Variants in FAM135B observed in about 807,000 individuals in gnomAD.
The protein encoded by FAM135B is family with sequence similarity 135 member B.
FAM135B carries 43 observed loss-of-function variants against 127.7 expected under a neutral mutation model. That is an observed-to-expected ratio of 0.34 (90% CI 0.26 to 0.43). FAM135B has a LOEUF of 0.43. Ranked by LOEUF, FAM135B falls within the 20% of genes least tolerant of loss-of-function variation. The pLI, the probability that FAM135B is intolerant of heterozygous loss-of-function variation, is 1.00. For synonymous variants in FAM135B, 670 were observed against 665.1 expected, an observed-to-expected ratio of 1.01 and a Z score of -0.11; for missense variants, 1,558 against 1,725.6, an observed-to-expected ratio of 0.90 and a Z score of 1.72.
chr8:138,223,748 G>C (rs34217238), intron 7 of FAM135B, among the ~76,000 whole-genome samples: 1 of 152,120 alleles, frequency 6.6e-6, no homozygotes. Context: ...CATGTTCTTC[G>C]CAGCACTATT....
chr8:138,287,871 G>A (rs895302100), intron 3 of FAM135B, among the ~76,000 whole-genome samples: 1 of 152,166 alleles, frequency 6.6e-6, no homozygotes, highest in Non-Finnish European at 1.5e-5. Flanking sequence ...AGTCACTGAC[G>A]CACAGTAAGA....
rs574138369 is a variant in FAM135B at position 138,338,153 on chromosome 8, A to T, written c.78-27233T>A. Among the ~76,000 whole-genome samples the T allele has an allele frequency of 1.6e-3, 237 of 152,300 alleles. 1 individual carries two copies. The highest frequency in any genetic ancestry group is 0.014 in the East Asian group (71 of 5,184). On this transcript the variant is annotated intron_variant, in intron 2 of 19. Coordinates refer to ENST00000395297, the MANE Select transcript of FAM135B (RefSeq NM_015912.4). Reference sequence around the variant, plus strand: ...AAATGTTAGACCTGAAACCATAAAAACCCTAGAAGAAAACCTAGGCAATAC... The same window carrying T: ...AAATGTTAGACCTGAAACCATAAAATCCCTAGAAGAAAACCTAGGCAATAC...
chr8:138,360,178 G>A (rs561238585), intron 2 of FAM135B, among the ~76,000 whole-genome samples: 4 of 152,266 alleles, frequency 2.6e-5, no homozygotes, highest in African/African-American at 9.6e-5. Context: ...AGTTTTGTCT[G>A]AATTAATATT....
chr8:138,224,491 C>A (rs925865541), intron 7 of FAM135B, among the ~76,000 whole-genome samples: 1 of 152,158 alleles, frequency 6.6e-6, no homozygotes, highest in Non-Finnish European at 1.5e-5. Flanking sequence ...GGCTGGAATG[C>A]AGAGGCCCGA....
At chr8:138,456,273 T>C (rs757571010) in intron 1 of FAM135B, among the ~76,000 whole-genome samples, 2 of 152,198 alleles carry the variant, frequency 1.3e-5, no homozygotes, top group African/African-American at 2.4e-5. Flanking sequence ...TTCACTGACA[T>C]TGAAGTCACC....
At chr8:138,188,971 T>C (rs1815847258) in intron 9 of FAM135B, among the ~76,000 whole-genome samples, 1 of 152,174 alleles carries the variant, frequency 6.6e-6, no homozygotes, top group African/African-American at 2.4e-5. Flanking sequence ...GGCCCCACCC[T>C]CAGTCCTGGA....
In FAM135B at chr8:138,381,890, G is replaced by A. The variant is rs557034629; in HGVS notation, c.-19-13888C>T. On this transcript the variant is annotated intron_variant, in intron 1 of 19. Transcript: ENST00000395297. ...AGTGTCGGGGGAAGGATGCAGTAAC[G>A]GGTGGTGTCTCAACTGCAGATGAGT... Among the ~76,000 whole-genome samples the A allele has an allele frequency of 1.8e-4, 28 of 152,220 alleles. 1 individual carries two copies. The East Asian group carries it at 4.3e-3, about 23-fold the overall frequency.
chr8:138,197,433 A>T (rs1414575166), intron 8 of FAM135B, 83 bp downstream of exon 8: 2 of 1,513,186 alleles, frequency 1.3e-6, no homozygotes, highest in East Asian at 2.3e-5. Context: ...CATTTACAAA[A>T]GCATGCCAGC....
chr8:138,252,663 A>G (rs1446858207), intron 5 of FAM135B, among the ~76,000 whole-genome samples: 2 of 152,192 alleles, frequency 1.3e-5, no homozygotes, highest in African/African-American at 4.8e-5. Flanking sequence ...ATGGTGATAA[A>G]CTTGACTGCA....
At chr8:138,385,053 C>T (rs562757753) in intron 1 of FAM135B, among the ~76,000 whole-genome samples, 1 of 152,128 alleles carries the variant, frequency 6.6e-6, no homozygotes, top group Non-Finnish European at 1.5e-5. Context: ...CTAAGATGCC[C>T]CAGCAAACAG....
rs2130721208 is a variant in FAM135B, at chr8:138,151,232, G to A, written c.3243C>T (p.Ser1081=). 3.2e-6 allele frequency: 5 copies of A among 1,582,790 alleles called. No individual in the cohort carries two copies. The highest frequency in any genetic ancestry group is 4.3e-6 in the Non-Finnish European group (5 of 1,164,732). ...CACTGACTTCCTCATCCAACGTGCT[G>A]GAATGGGTAGAAACAACTCCAAAGG... is the stretch of plus-strand genomic sequence containing the variant. ...LGSFGVVSTH[S]STLDEEVSER... Residue 1081 remains serine (S), a synonymous_variant, in exon 13 of 20, where the codon TCC becomes TCT. Coordinates refer to ENST00000395297, the MANE Select transcript of FAM135B (RefSeq NM_015912.4).
chr8:138,191,236 A>G (rs1816095351), intron 9 of FAM135B, among the ~76,000 whole-genome samples: 1 of 152,210 alleles, frequency 6.6e-6, no homozygotes, highest in Admixed American at 6.5e-5. Context: ...GGCCTGCCCA[A>G]TGCTGGACAG....
chr8:138,244,258 T>G (rs1403146169), intron 6 of FAM135B, among the ~76,000 whole-genome samples: 2 of 147,068 alleles, frequency 1.4e-5, no homozygotes, highest in Non-Finnish European at 3.0e-5. Context: ...GCAGGAAAAC[T>G]CAGGCCAGTG....
At chr8:138,396,045 C>T (rs1439119283) in intron 1 of FAM135B, among the ~76,000 whole-genome samples, 3 of 152,152 alleles carry the variant, frequency 2.0e-5, no homozygotes, top group African/African-American at 7.2e-5. Context: ...CAAGTATTTT[C>T]CTGTTTATGT....
At chr8:138,484,692 C>T (rs1372089767) in intron 1 of FAM135B, among the ~76,000 whole-genome samples, 1 of 152,060 alleles carries the variant, frequency 6.6e-6, no homozygotes, top group Non-Finnish European at 1.5e-5. Flanking sequence ...GTTTTATTAT[C>T]ATTCTTTTTC....
intron 7 of FAM135B, among the ~76,000 whole-genome samples, chr8:138,212,901 TCTTTA>T (rs1388274883): frequency 6.6e-6 from 1 of 152,206 alleles, no homozygotes; most frequent in Non-Finnish European, 1.5e-5. Flanking sequence ...CTGATGAATG[TCTTTA>T]CTTTTATAAT....
intron 6 of FAM135B, among the ~76,000 whole-genome samples, chr8:138,249,655 T>G (rs1441058856): frequency 2.0e-5 from 3 of 152,056 alleles, no homozygotes; most frequent in Non-Finnish European, 4.4e-5. Flanking sequence ...ATTGGGTAAC[T>G]AATTTCCTAC....
chr8:138,157,952 A>G lies in FAM135B; in HGVS notation c.1259-4736T>C, dbSNP rs1818939254. On this transcript the variant is annotated intron_variant, in intron 12 of 19. Transcript: ENST00000395297. ...TCACAGAATTGGAAAAAACTACTTT[A>G]AAGTTCATAGGGAACCAAAAAGGAG... Among the ~76,000 whole-genome samples the G allele has an allele frequency of 2.0e-5, 3 of 152,244 alleles. No homozygotes were observed. The South Asian group carries it at 6.2e-4, about 32-fold the overall frequency.
At chr8:138,215,283 G>C (rs1006782779) in intron 7 of FAM135B, among the ~76,000 whole-genome samples, 3 of 152,208 alleles carry the variant, frequency 2.0e-5, no homozygotes, top group Non-Finnish European at 2.9e-5. Context: ...TAGGGTGCTA[G>C]TGAAGAGCAA....
Sources: gnomAD v4.1 joint callset for allele counts (sites outside exome capture counted in the v4.1 genomes callset) on GRCh38, gnomAD v4.1.1 for gene constraint, MANE v1.5 for transcripts, NCBI Gene and HGNC (gene_info 2026-07-23, HGNC 2026-07-21) for gene names.